The following TYW1B variants were observed in gnomAD, a reference collection of about 807,000 sequenced individuals.
TYW1B encodes the protein S-adenosyl-L-methionine-dependent tRNA 4-demethylwyosine synthase TYW1B.
Under a neutral mutation model 86.9 loss-of-function variants are expected in TYW1B, and 73 were observed. The observed-to-expected ratio is 0.84, with a 90% CI of 0.70 to 1.02. The LOEUF (loss-of-function observed/expected upper bound fraction) is 1.02. Among genes scored for constraint, TYW1B ranks in the 50% least tolerant of loss-of-function variants. The pLI is 0.00. For synonymous variants in TYW1B, 248 were observed against 292.8 expected (o/e 0.85, Z 1.56); for missense variants, 637 against 827.4 (o/e 0.77, Z 2.82).
intron 8 of TYW1B, among the ~76,000 whole-genome samples, chr7:72,740,791 C>T (rs1423207779): frequency 4.8e-5 from 7 of 145,192 alleles, no homozygotes; most frequent in African/African-American, 1.5e-4. Context: ...AGTGCAGTGG[C>T]GTGATCTCGG....
chr7:72,696,137 G>A (rs1554451460), intron 10 of TYW1B, among the ~76,000 whole-genome samples: 1 of 151,816 alleles, frequency 6.6e-6, no homozygotes, highest in Admixed American at 6.6e-5. Flanking sequence ...TAGTAGAGAA[G>A]GGGTTTCACT....
At chr7:72,677,150 GATTC>G (rs1554447597) in intron 11 of TYW1B, among the ~76,000 whole-genome samples, 1 of 152,000 alleles carries the variant, frequency 6.6e-6, no homozygotes, top group Non-Finnish European at 1.5e-5. Context: ...TGTATTCATT[GATTC>G]ATTCATTCAT....
intron 11 of TYW1B, among the ~76,000 whole-genome samples, chr7:72,636,611 A>G (rs1812672964): frequency 6.6e-6 from 1 of 152,222 alleles, no homozygotes; most frequent in South Asian, 2.1e-4. Flanking sequence ...CTAATTGGCT[A>G]CAAGATTTTA....
chr7:72,808,200 T>G (rs1788532406), intron 4 of TYW1B, among the ~76,000 whole-genome samples: 1 of 152,168 alleles, frequency 6.6e-6, no homozygotes, highest in African/African-American at 2.4e-5. Context: ...CGCCTATAAT[T>G]CCAGCACCTT....
At chr7:72,584,900 T>C (rs1811240841) in intron 13 of TYW1B, among the ~76,000 whole-genome samples, 1 of 152,218 alleles carries the variant, frequency 6.6e-6, no homozygotes, top group African/African-American at 2.4e-5. Flanking sequence ...AGCCGAAAGC[T>C]TTTTATGCAG....
intron 13 of TYW1B, among the ~76,000 whole-genome samples, chr7:72,601,662 A>G (rs1585838459): frequency 6.6e-6 from 1 of 151,670 alleles, no homozygotes; most frequent in East Asian, 1.9e-4. Flanking sequence ...ACATCCACAC[A>G]ATGGGAGTTT....
At position 72,574,958 on chromosome 7, in the gene TYW1B, T is replaced by C. The variant is rs558745051; in HGVS notation, c.*540A>G. 397 of 988,226 alleles carry C rather than the reference T, an allele frequency of 4.0e-4. 1 individual carries two copies. In the African/African-American group the frequency reaches 6.5e-3, roughly 16 times the overall value. 61.2% of individuals were successfully genotyped at this position (988,226 alleles called of 1,614,324 possible). On this transcript the variant is annotated 3_prime_UTR_variant, in exon 14 of 14. Coordinates refer to ENST00000620995, the MANE Select transcript of TYW1B (RefSeq NM_001145440.3). ...AAACCAAAACTCAATCTATGCAGTA[T>C]TTAAAAAATAATTGAGAGTTGTGAC...
chr7:72,667,109 A>G (rs1813484713), intron 11 of TYW1B, among the ~76,000 whole-genome samples: 2 of 151,054 alleles, frequency 1.3e-5, no homozygotes, highest in African/African-American at 4.8e-5. Context: ...TGGTCTGTAA[A>G]ATATGTAGAA....
At chr7:72,655,815 A>G (rs1554443536) in intron 11 of TYW1B, among the ~76,000 whole-genome samples, 1 of 151,964 alleles carries the variant, frequency 6.6e-6, no homozygotes, top group African/African-American at 2.4e-5. Context: ...ATCTGCACAC[A>G]CTGTCCAGGA....
chr7:72,715,209 C>A (rs1204134030), intron 9 of TYW1B, among the ~76,000 whole-genome samples: 1 of 151,956 alleles, frequency 6.6e-6, no homozygotes, highest in African/African-American at 2.4e-5. Flanking sequence ...CCAGGTGATT[C>A]CAATGTGTAG....
chr7:72,801,699 T>C (rs1298897811), intron 6 of TYW1B, among the ~76,000 whole-genome samples: 1 of 152,154 alleles, frequency 6.6e-6, no homozygotes, highest in African/African-American at 2.4e-5. Context: ...GAAATCCTAC[T>C]GCATCGTACA....
chr7:72,613,983 G>A (rs1554436411), intron 13 of TYW1B, among the ~76,000 whole-genome samples: 2 of 139,450 alleles, frequency 1.4e-5, no homozygotes, highest in African/African-American at 2.6e-5. Flanking sequence ...CAGAAAAGAC[G>A]ATGTGTGCAC....
chr7:72,733,853 AC>A (rs1247114528), intron 8 of TYW1B, among the ~76,000 whole-genome samples: 7 of 152,198 alleles, frequency 4.6e-5, no homozygotes, highest in Non-Finnish European at 8.8e-5. Context: ...GACATTTTTC[AC>A]AGAAATAGAA....
chr7:72,816,959 C>T (rs2129572857), intron 2 of TYW1B, among the ~76,000 whole-genome samples: 1 of 152,246 alleles, frequency 6.6e-6, no homozygotes. Context: ...AAGCAACTTC[C>T]TGAGGTCTGT....
intron 6 of TYW1B, among the ~76,000 whole-genome samples, chr7:72,780,182 C>A (rs2129572089): frequency 6.6e-6 from 1 of 152,248 alleles, no homozygotes; most frequent in Middle Eastern, 3.4e-3. Flanking sequence ...GTCGCCCAGG[C>A]TGGTCTCAAA....
intron 7 of TYW1B, 101 bp downstream of exon 7, chr7:72,777,315 T>A: frequency 7.2e-7 from 1 of 1,395,486 alleles, no homozygotes; most frequent in Non-Finnish European, 9.9e-7. Context: ...TCTGCCACTA[T>A]GAACAGCTGC....
chr7:72,820,564 T>C (rs1586010391), intron 2 of TYW1B, among the ~76,000 whole-genome samples: 3 of 151,732 alleles, frequency 2.0e-5, no homozygotes, highest in Admixed American at 1.3e-4. Context: ...CCTGGCAGAG[T>C]AGAAGTGAAA....
At chr7:72,754,578 C>T (rs144726155) in intron 7 of TYW1B, among the ~76,000 whole-genome samples, 74 of 152,148 alleles carry the variant, frequency 4.9e-4, no homozygotes, top group Non-Finnish European at 9.3e-4. Flanking sequence ...GCCAAGACTA[C>T]AAGCACATGC....
intron 13 of TYW1B, among the ~76,000 whole-genome samples, chr7:72,576,634 T>A (rs1811028792): frequency 6.6e-6 from 1 of 151,028 alleles, no homozygotes; most frequent in African/African-American, 2.4e-5. Flanking sequence ...TGCCTCAGCC[T>A]CCTGAGTAGC....
Sources: allele counts gnomAD v4.1 joint callset (sites outside exome capture counted in the v4.1 genomes callset), GRCh38; gene constraint gnomAD v4.1.1; transcripts MANE v1.5; gene names NCBI Gene and HGNC (gene_info 2026-07-23, HGNC 2026-07-21).